Variants in CBFA2T3 observed in about 807,000 individuals in gnomAD.
CBFA2T3 encodes CBFA2/RUNX1 partner transcriptional co-repressor 3, also known as transcriptional corepressor CBFA2T3.
A neutral mutation model predicts 58.6 loss-of-function variants in CBFA2T3; 31 were observed. That is an observed-to-expected ratio of 0.53 (90% confidence interval 0.40 to 0.71). The LOEUF (loss-of-function observed/expected upper bound fraction) is 0.71. Among genes scored for constraint, CBFA2T3 ranks in the 30% least tolerant of loss-of-function variants. CBFA2T3 has a pLI of 0.00. For missense variants in CBFA2T3, 1,076 were observed against 963.1 expected (o/e 1.12, Z -1.55); for synonymous variants, 531 against 421.9 (o/e 1.26, Z -3.17).
At chr16:88,976,080 G>C (rs1020009376) in intron 1 of CBFA2T3, among the ~76,000 whole-genome samples, 1 of 152,192 alleles carries the variant, frequency 6.6e-6, no homozygotes. Context: ...CGTCCTGCTG[G>C]ACTGGACCCC....
At chr16:88,965,317 T>A (rs1567638436) in intron 1 of CBFA2T3, among the ~76,000 whole-genome samples, 2 of 152,248 alleles carry the variant, frequency 1.3e-5, no homozygotes, top group Non-Finnish European at 2.9e-5. Flanking sequence ...GAGCTAAATG[T>A]GCAGATTTTC....
chr16:88,970,933 C>T (rs1211439297), intron 1 of CBFA2T3, among the ~76,000 whole-genome samples: 8 of 152,170 alleles, frequency 5.3e-5, no homozygotes, highest in African/African-American at 1.4e-4. Context: ...GGAAGGAGGT[C>T]GGTCGGGAGG....
At chr16:88,895,625 C>T (rs1969857063) in intron 3 of CBFA2T3, among the ~76,000 whole-genome samples, 1 of 152,102 alleles carries the variant, frequency 6.6e-6, no homozygotes, top group African/African-American at 2.4e-5. Flanking sequence ...GCGGGGGGAA[C>T]AGGTGTGCCC....
intron 1 of CBFA2T3, among the ~76,000 whole-genome samples, chr16:88,952,153 C>T (rs761994238): frequency 2.0e-5 from 3 of 152,108 alleles, no homozygotes; most frequent in Non-Finnish European, 2.9e-5. Flanking sequence ...TATGCAGAGA[C>T]AGAGAGACTA....
rs1969324869 is a variant in CBFA2T3, at chr16:88,885,452, C to A, written c.894-183G>T. Among the ~76,000 whole-genome samples the A allele has an allele frequency of 6.6e-6, 1 of 152,076 alleles. No individual in the cohort carries two copies. Among genetic ancestry groups the A allele is most frequent in the Admixed American group, 6.5e-5 (1 of 15,292 alleles). ...CAGCCCGGCGCCCCCACTCTCTGCCCCTCTGCCGGGGCCCATGCCAGCCTC... is the reference window on the plus strand; with the variant it reads ...CAGCCCGGCGCCCCCACTCTCTGCCACTCTGCCGGGGCCCATGCCAGCCTC... On this transcript the variant is annotated intron_variant, in intron 6 of 11. Coordinates refer to ENST00000268679, the MANE Select transcript of CBFA2T3 (RefSeq NM_005187.6). This position sits in a 1 kb window ranked among gnomAD's most constrained non-coding sequence, Gnocchi z 5.3.
chr16:88,941,549 G>A (rs1971731997), intron 1 of CBFA2T3, among the ~76,000 whole-genome samples: 1 of 148,414 alleles, frequency 6.7e-6, no homozygotes, highest in Non-Finnish European at 1.5e-5. Context: ...AACTGGCCGT[G>A]GGGGCCGGGG....
At chr16:88,969,541 C>G (rs193069968) in intron 1 of CBFA2T3, among the ~76,000 whole-genome samples, 103 of 152,334 alleles carry the variant, frequency 6.8e-4, no homozygotes, top group African/African-American at 2.4e-3. Context: ...AAACAGGAGA[C>G]AGGCTGGGGT....
intron 1 of CBFA2T3, among the ~76,000 whole-genome samples, chr16:88,931,089 C>G (rs984060341): frequency 1.6e-4 from 24 of 152,082 alleles, no homozygotes; most frequent in African/African-American, 5.8e-4. Context: ...CTGCCCCTGC[C>G]AGGGACCCAT....
At chr16:88,882,214 A>T (rs1055522314) in intron 8 of CBFA2T3, among the ~76,000 whole-genome samples, 4 of 152,228 alleles carry the variant, frequency 2.6e-5, no homozygotes, top group African/African-American at 9.6e-5. Context: ...AGGGGCGCCC[A>T]CACAGCCCTG....
At chr16:88,966,062 C>A (rs1001391532) in intron 1 of CBFA2T3, among the ~76,000 whole-genome samples, 1 of 152,206 alleles carries the variant, frequency 6.6e-6, no homozygotes, top group Non-Finnish European at 1.5e-5. Context: ...CACTCCTTGG[C>A]CAGGGAAAGC....
At chr16:88,895,916 C>G (rs1969870969) in intron 3 of CBFA2T3, among the ~76,000 whole-genome samples, 1 of 152,148 alleles carries the variant, frequency 6.6e-6, no homozygotes, top group African/African-American at 2.4e-5. Context: ...GCAAATGGCT[C>G]CCAACCCATC....
chr16:88,917,829 C>T lies in CBFA2T3; in HGVS notation c.152-16173G>A, dbSNP rs531715917. Reference sequence around the variant, plus strand: ...ATGCAGACGAGAGTGTGCGTGAAGACGAGAGTGTGGGTGTGGACGACAGAG... The same window carrying T: ...ATGCAGACGAGAGTGTGCGTGAAGATGAGAGTGTGGGTGTGGACGACAGAG... On this transcript the variant is annotated intron_variant, in intron 1 of 11. Coordinates refer to ENST00000268679, the MANE Select transcript of CBFA2T3 (RefSeq NM_005187.6). Among the ~76,000 whole-genome samples, 6 of 152,252 alleles carry T rather than the reference C, an allele frequency of 3.9e-5. No homozygotes were observed. In the South Asian group the frequency reaches 6.2e-4, roughly 16 times the overall value.
At position 88,876,015 on chromosome 16, in the gene CBFA2T3, C is replaced by T; in HGVS notation, c.*961G>A. 6 of 232,952 alleles carry T rather than the reference C, an allele frequency of 2.6e-5. No homozygotes were observed. The highest frequency in any genetic ancestry group is 2.5e-3 in the Middle Eastern group (2 of 786). 14.4% of individuals were successfully genotyped at this position (232,952 alleles called of 1,614,324 possible). ...ACAAACCCTCTGCACCCAAATATCCCGACACCCACAAACAAAATCAGAACA... is the reference window on the plus strand; with the variant it reads ...ACAAACCCTCTGCACCCAAATATCCTGACACCCACAAACAAAATCAGAACA... On this transcript the variant is annotated 3_prime_UTR_variant, in exon 12 of 12. Coordinates refer to ENST00000268679, the MANE Select transcript of CBFA2T3 (RefSeq NM_005187.6).
At chr16:88,929,913 G>A (rs9929690) in intron 1 of CBFA2T3, among the ~76,000 whole-genome samples, 10 of 143,400 alleles carry the variant, frequency 7.0e-5, no homozygotes, top group Admixed American at 1.4e-4. Flanking sequence ...CAGCTGCATC[G>A]TCCACGCAAA....
At chr16:88,905,994 G>C (rs904738331) in intron 1 of CBFA2T3, among the ~76,000 whole-genome samples, 12 of 151,078 alleles carry the variant, frequency 7.9e-5, no homozygotes, top group Admixed American at 5.9e-4. Flanking sequence ...TGGCTTCCTC[G>C]GGCAAGCCAC....
intron 1 of CBFA2T3, among the ~76,000 whole-genome samples, chr16:88,934,894 C>T (rs976902171): frequency 2.3e-4 from 35 of 152,224 alleles, no homozygotes; most frequent in Admixed American, 3.9e-4. Context: ...CGCCCGCCAC[C>T]ACGCCCGGCT....
At chr16:88,926,613 C>G (rs1009343948) in intron 1 of CBFA2T3, among the ~76,000 whole-genome samples, 1 of 152,210 alleles carries the variant, frequency 6.6e-6, no homozygotes, top group African/African-American at 2.4e-5. Context: ...CGTGGGTGAG[C>G]GCTGCCCCCA....
At chr16:88,968,163 C>T (rs1446400099) in intron 1 of CBFA2T3, among the ~76,000 whole-genome samples, 32 of 152,204 alleles carry the variant, frequency 2.1e-4, no homozygotes, top group Admixed American at 2.0e-3. Flanking sequence ...CAGAGAGGCA[C>T]GCCCTGGTGA....
chr16:88,878,341 G>C (rs1002211568), intron 11 of CBFA2T3, among the ~76,000 whole-genome samples: 3 of 152,190 alleles, frequency 2.0e-5, no homozygotes, highest in African/African-American at 7.2e-5. Flanking sequence ...GAATCGATGG[G>C]GCTCCATCTC....
Sources: gnomAD v4.1 joint callset for allele counts (sites outside exome capture counted in the v4.1 genomes callset) on GRCh38, gnomAD v4.1.1 for gene constraint, Gnocchi (gnomAD v3.1) non-coding constraint, MANE v1.5 for transcripts, NCBI Gene and HGNC (gene_info 2026-07-23, HGNC 2026-07-21) for gene names.